The following CCSER1 variants were observed in gnomAD, a reference collection of about 807,000 sequenced individuals.
CCSER1 encodes serine-rich coiled-coil domain-containing protein 1.
Under a neutral mutation model 82.0 loss-of-function variants are expected in CCSER1, and 41 were observed. That is an observed-to-expected ratio of 0.50 (90% CI 0.39 to 0.65). CCSER1 has a LOEUF of 0.65. Ranked by LOEUF, CCSER1 falls within the 30% of genes least tolerant of loss-of-function variation. The probability of loss-of-function intolerance (pLI) is 0.00; values close to 1 mark genes in which losing one functional copy is unlikely to be tolerated. For missense variants in CCSER1, 1,119 were observed against 1,064.2 expected, an observed-to-expected ratio of 1.05 and a Z score of -0.72; for synonymous variants, 414 against 383.9, an observed-to-expected ratio of 1.08 and a Z score of -0.92.
At chr4:90,300,042 G>A (rs1043986241) in intron 1 of CCSER1, among the ~76,000 whole-genome samples, 22 of 152,024 alleles carry the variant, frequency 1.4e-4, no homozygotes, top group African/African-American at 4.8e-4. Context: ...TGGTCATTAA[G>A]GCTCTACCAG....
chr4:90,524,823 T>C (rs1330881282), intron 5 of CCSER1, among the ~76,000 whole-genome samples: 3 of 152,170 alleles, frequency 2.0e-5, no homozygotes, highest in African/African-American at 7.2e-5. Context: ...TGTCCTCGCA[T>C]GCTCTTGTTG....
intron 9 of CCSER1, among the ~76,000 whole-genome samples, chr4:91,048,676 C>T (rs756663769): frequency 3.3e-5 from 5 of 152,100 alleles, no homozygotes; most frequent in East Asian, 1.9e-4. Flanking sequence ...CACTCATGAT[C>T]GGCATATGGC....
chr4:91,237,754 C>T (rs1739129500), intron 10 of CCSER1, among the ~76,000 whole-genome samples: 1 of 151,930 alleles, frequency 6.6e-6, no homozygotes. Flanking sequence ...GCACAAGTGC[C>T]AAGGGAAATG....
rs552253476 is a variant in CCSER1 at position 90,305,170 on chromosome 4, C to A, written c.-41-3074C>A. Among the ~76,000 whole-genome samples the A allele has an allele frequency of 1.3e-4, 20 of 152,290 alleles. 1 individual carries two copies. In the South Asian group the frequency reaches 2.3e-3, roughly 17 times the overall value. ...TGACCTCGTGATCTGCCTGCCTTGG[C>A]TTCCCAAAGTGCTGGGATTACAGGC... On this transcript the variant is annotated intron_variant, in intron 1 of 10. Transcript: ENST00000509176.
intron 5 of CCSER1, among the ~76,000 whole-genome samples, chr4:90,562,058 C>T (rs1028351769): frequency 4.0e-5 from 6 of 151,750 alleles, no homozygotes; most frequent in South Asian, 2.1e-4. Context: ...GGCATAGTGG[C>T]GAGTGCCTGT....
At chr4:90,993,844 C>T (rs1209432253) in intron 9 of CCSER1, among the ~76,000 whole-genome samples, 8 of 152,016 alleles carry the variant, frequency 5.3e-5, no homozygotes, top group African/African-American at 1.7e-4. Flanking sequence ...TTTGAGAAGA[C>T]ATAAACAGTC....
chr4:91,468,683 G>T (rs1757086130), intron 10 of CCSER1, among the ~76,000 whole-genome samples: 1 of 151,798 alleles, frequency 6.6e-6, no homozygotes, highest in Non-Finnish European at 1.5e-5. Flanking sequence ...TCCATTTAGA[G>T]TTAACATTAA....
intron 5 of CCSER1, among the ~76,000 whole-genome samples, chr4:90,611,352 G>A (rs899362345): frequency 6.6e-6 from 1 of 151,996 alleles, no homozygotes; most frequent in African/African-American, 2.4e-5. Flanking sequence ...CTGCTAACAT[G>A]TAAATTCAGT....
intron 10 of CCSER1, among the ~76,000 whole-genome samples, chr4:91,468,429 C>G (rs1757061411): frequency 6.6e-6 from 1 of 151,594 alleles, no homozygotes; most frequent in Non-Finnish European, 1.5e-5. Context: ...GTGCAGCACA[C>G]CAACATGGCA....
intron 8 of CCSER1, among the ~76,000 whole-genome samples, chr4:90,891,134 A>C (rs1011592434): frequency 2.6e-5 from 4 of 151,952 alleles, no homozygotes; most frequent in Admixed American, 2.6e-4. Flanking sequence ...TTGAGAGTGA[A>C]ACAGAAAAAG....
chr4:90,370,094 A>G (rs2153523966), intron 3 of CCSER1: 1 of 152,140 alleles, frequency 6.6e-6, no homozygotes, highest in South Asian at 2.1e-4. Flanking sequence ...GCCAAATGAA[A>G]CTGTATACAA....
chr4:91,094,407 G>A (rs1270561369), intron 10 of CCSER1, among the ~76,000 whole-genome samples: 1 of 152,170 alleles, frequency 6.6e-6, no homozygotes, highest in African/African-American at 2.4e-5. Flanking sequence ...TCCTCAGCTG[G>A]CAGCAATCCT....
intron 8 of CCSER1, among the ~76,000 whole-genome samples, chr4:90,887,858 G>A (rs1054952368): frequency 1.3e-5 from 2 of 152,150 alleles, no homozygotes. Context: ...CTCCAGCCTG[G>A]CGACAGAGCA....
chr4:90,496,481 G>A (rs759002140), intron 5 of CCSER1, among the ~76,000 whole-genome samples: 4 of 151,968 alleles, frequency 2.6e-5, no homozygotes, highest in Non-Finnish European at 4.4e-5. Context: ...AAGACAAGTA[G>A]GTTTTATTGT....
intron 10 of CCSER1, among the ~76,000 whole-genome samples, chr4:91,255,185 G>C (rs1243143710): frequency 1.3e-5 from 2 of 152,164 alleles, no homozygotes; most frequent in Non-Finnish European, 2.9e-5. Context: ...CAAGGGCATA[G>C]TTTCTGGGAC....
intron 3 of CCSER1, among the ~76,000 whole-genome samples, chr4:90,394,823 A>C (rs1408356763): frequency 1.3e-5 from 2 of 152,110 alleles, no homozygotes; most frequent in African/African-American, 2.4e-5. Context: ...TGTTTTATGG[A>C]TTCATGGTGT....
intron 3 of CCSER1, among the ~76,000 whole-genome samples, chr4:90,355,276 ATATAT>A (rs1744186829): frequency 6.6e-6 from 1 of 151,988 alleles, no homozygotes; most frequent in Non-Finnish European, 1.5e-5. Context: ...GTGGGTAATG[ATATAT>A]TATAGTAAAA....
At chr4:91,101,695 T>C (rs779942055) in intron 10 of CCSER1, among the ~76,000 whole-genome samples, 2 of 150,370 alleles carry the variant, frequency 1.3e-5, no homozygotes, top group Non-Finnish European at 3.0e-5. Flanking sequence ...AAAATAAAAC[T>C]AAGTGGAACA....
intron 6 of CCSER1, among the ~76,000 whole-genome samples, chr4:90,716,476 T>C (rs931310605): frequency 1.2e-4 from 18 of 152,134 alleles, no homozygotes; most frequent in Admixed American, 7.9e-4. Flanking sequence ...ATCATGGCTG[T>C]CTACTTTTGT....
Sources: gnomAD v4.1 joint callset for allele counts (sites outside exome capture counted in the v4.1 genomes callset) on GRCh38, gnomAD v4.1.1 for gene constraint, MANE v1.5 for transcripts, NCBI Gene and HGNC (gene_info 2026-07-23, HGNC 2026-07-21) for gene names.